MCCC1: variants seen among roughly 807,000 people sequenced by gnomAD.
MCCC1 encodes the protein methylcrotonoyl-CoA carboxylase subunit alpha, mitochondrial.
MCCC1 carries 64 observed loss-of-function variants against 83.8 expected under a neutral mutation model. The observed-to-expected ratio is 0.76, with a 90% CI of 0.62 to 0.94. MCCC1 has a LOEUF of 0.94. Among genes scored for constraint, MCCC1 ranks in the 40% least tolerant of loss-of-function variants. MCCC1 has a pLI of 0.00. For missense variants in MCCC1, 807 were observed against 904.7 expected (o/e 0.89, Z 1.39); for synonymous variants, 322 against 315.4 (o/e 1.02, Z -0.22).
At chr3:183,061,064 G>C (rs914158398) in intron 7 of MCCC1, among the ~76,000 whole-genome samples, 1 of 152,114 alleles carries the variant, frequency 6.6e-6, no homozygotes, top group African/African-American at 2.4e-5. Context: ...CCTGCCAAAG[G>C]CCCCAACCTC....
intron 15 of MCCC1, among the ~76,000 whole-genome samples, chr3:183,024,654 T>C (rs1295343279): frequency 1.3e-5 from 2 of 151,170 alleles, no homozygotes; most frequent in Admixed American, 1.3e-4. Context: ...TAATAAGTAG[T>C]GGCAAGGAAG....
At chr3:183,080,827 T>C (rs1717435092) in intron 4 of MCCC1, among the ~76,000 whole-genome samples, 1 of 152,326 alleles carries the variant, frequency 6.6e-6, no homozygotes, top group Admixed American at 6.5e-5. Flanking sequence ...ACAACTTACA[T>C]GGATGGCGGC....
At chr3:183,029,303 T>G (rs913146756) in intron 14 of MCCC1, 3 of 152,244 alleles carry the variant, frequency 2.0e-5, no homozygotes, top group African/African-American at 7.2e-5. Flanking sequence ...CGACATTCCT[T>G]CTCCAGGTGA....
chr3:183,099,522 A>G, upstream of MCCC1: 1 of 1,515,100 alleles, frequency 6.6e-7, no homozygotes, highest in South Asian at 1.2e-5. Flanking sequence ...CTCCACTACG[A>G]AGCCTCGTGA....
chr3:183,035,983 C>A (rs559750936), intron 13 of MCCC1, among the ~76,000 whole-genome samples: 5 of 140,752 alleles, frequency 3.6e-5, no homozygotes, highest in Non-Finnish European at 4.6e-5. Context: ...CCCCTCCCCC[C>A]ACCCCACGAC....
intron 1 of MCCC1, among the ~76,000 whole-genome samples, chr3:183,109,424 G>T (rs1410776538): frequency 2.0e-5 from 3 of 152,124 alleles, no homozygotes; most frequent in African/African-American, 7.2e-5. Flanking sequence ...CTCCTCTGGT[G>T]GTACCCAGTG....
chr3:183,034,153 A>C, intron 13 of MCCC1, 76 bp from the exon 14 acceptor site: 1 of 1,092,436 alleles, frequency 9.2e-7, no homozygotes, highest in Non-Finnish European at 1.4e-6. Context: ...AAAAGAAAAC[A>C]TAAAATGCAA....
At chr3:183,017,118 A>G (rs1711702795) in intron 18 of MCCC1, 148 bp downstream of exon 18, 5 of 723,952 alleles carry the variant, frequency 6.9e-6, no homozygotes, top group South Asian at 1.5e-5. Context: ...CAAGAAGGAT[A>G]GTTTGGTTTT....
intron 2 of MCCC1, among the ~76,000 whole-genome samples, chr3:183,094,113 ATC>A (rs1294466094): frequency 2.1e-5 from 3 of 144,780 alleles, no homozygotes; most frequent in African/African-American, 7.8e-5. Context: ...CAGTGGCGAG[ATC>A]TTGGCTCATT....
At chr3:183,092,963 G>A (rs988197823) in intron 2 of MCCC1, among the ~76,000 whole-genome samples, 8 of 151,432 alleles carry the variant, frequency 5.3e-5, no homozygotes, top group Non-Finnish European at 5.9e-5. Context: ...GTGTGATCTC[G>A]GCTCACTACA....
chr3:183,016,779 G>T (rs773529337), intron 18 of MCCC1, among the ~76,000 whole-genome samples: 26 of 152,212 alleles, frequency 1.7e-4, no homozygotes, highest in Non-Finnish European at 5.9e-5. Flanking sequence ...TTCAGCCAGG[G>T]CTAAGAATCA....
intron 1 of MCCC1, among the ~76,000 whole-genome samples, chr3:183,108,687 G>A (rs1370842962): frequency 6.6e-6 from 1 of 152,040 alleles, no homozygotes; most frequent in Non-Finnish European, 1.5e-5. Flanking sequence ...AAGCTGGTGT[G>A]CTGTTCTCTC....
intron 4 of MCCC1, among the ~76,000 whole-genome samples, chr3:183,074,116 T>G (rs1716890409): frequency 6.6e-6 from 1 of 152,196 alleles, no homozygotes; most frequent in Non-Finnish European, 1.5e-5. Context: ...ATTTAATATT[T>G]TCACACCATA....
Position 183,015,265 on chromosome 3 carries a change from T to C in MCCC1, c.*173A>G, listed in dbSNP as rs1331804894. On this transcript the variant is annotated 3_prime_UTR_variant, in exon 19 of 19. Transcript: ENST00000265594. Reference sequence around the variant, plus strand: ...TCAACTTTATTAGTATGAAATATTTTGAGATAATTAGTGACCCAAATGCAT... The same window carrying C: ...TCAACTTTATTAGTATGAAATATTTCGAGATAATTAGTGACCCAAATGCAT... The C allele has an allele frequency of 2.8e-6, 2 of 706,398 alleles. No individual in the cohort carries two copies. Among genetic ancestry groups the C allele is most frequent in the Non-Finnish European group, 2.5e-6 (1 of 402,212 alleles). 43.8% of individuals were successfully genotyped at this position (706,398 alleles called of 1,614,324 possible). A position where few individuals can be genotyped will look rare whatever the true frequency, so the allele number is the denominator to read the frequency against.
intron 7 of MCCC1, among the ~76,000 whole-genome samples, chr3:183,062,503 C>T (rs188965739): frequency 7.2e-4 from 110 of 152,154 alleles, no homozygotes; most frequent in Admixed American, 1.3e-3. Flanking sequence ...TACAGGCACA[C>T]ACCACCATGC....
chr3:183,098,432 G>C (rs1005035653), intron 1 of MCCC1: 1 of 152,126 alleles, frequency 6.6e-6, no homozygotes, highest in African/African-American at 2.4e-5. Context: ...ACAACCCAAG[G>C]TACTCGTATC....
chr3:183,078,123 G>A (rs544251715), intron 4 of MCCC1, among the ~76,000 whole-genome samples: 1 of 152,224 alleles, frequency 6.6e-6, no homozygotes, highest in Non-Finnish European at 1.5e-5. Flanking sequence ...GGGTTCCAGC[G>A]ATTCTCCTGC....
At chr3:183,074,004 C>T (rs1292245427) in intron 4 of MCCC1, among the ~76,000 whole-genome samples, 3 of 152,206 alleles carry the variant, frequency 2.0e-5, no homozygotes, top group African/African-American at 7.2e-5. Flanking sequence ...AGGGACGATT[C>T]ACATCCTGGG....
chr3:183,019,047 TG>T (rs1417243673), intron 17 of MCCC1, among the ~76,000 whole-genome samples: 2 of 152,310 alleles, frequency 1.3e-5, no homozygotes, highest in East Asian at 3.9e-4. Flanking sequence ...TGAAATCAAA[TG>T]AGCTAAAGGC....
Sources: gnomAD v4.1 joint callset for allele counts (sites outside exome capture counted in the v4.1 genomes callset) on GRCh38, gnomAD v4.1.1 for gene constraint, MANE v1.5 for transcripts, NCBI Gene and HGNC (gene_info 2026-07-23, HGNC 2026-07-21) for gene names.